Variants in NCK2 observed in about 807,000 individuals in gnomAD.
NCK2 encodes NCK adaptor protein 2, also known as cytoplasmic protein NCK2.
NCK2 carries 16 observed loss-of-function variants against 33.9 expected under a neutral mutation model. The ratio of observed to expected loss-of-function variants is 0.47; its 90% CI spans 0.32 to 0.72. The LOEUF (loss-of-function observed/expected upper bound fraction) is 0.72, where lower values mean the gene tolerates loss of function less well. Among genes scored for constraint, NCK2 ranks in the 30% least tolerant of loss-of-function variants. The probability of loss-of-function intolerance (pLI) is 0.03; values close to 1 mark genes in which losing one functional copy is unlikely to be tolerated. For synonymous variants in NCK2, 273 were observed against 239.9 expected (o/e 1.14, Z -1.27); for missense variants, 418 against 537.3 (o/e 0.78, Z 2.19).
chr2:105,837,661 T>C (rs556236807), intron 2 of NCK2, among the ~76,000 whole-genome samples: 60 of 152,226 alleles, frequency 3.9e-4, no homozygotes, highest in Non-Finnish European at 6.9e-4. Context: ...GTATTCTGCA[T>C]TACAAGATAA....
chr2:105,769,731 G>A (rs541728966), intron 1 of NCK2, among the ~76,000 whole-genome samples: 6 of 152,316 alleles, frequency 3.9e-5, no homozygotes, highest in African/African-American at 1.2e-4. Context: ...ACAGCCAGGC[G>A]GCCACAGGAG....
Position 105,765,803 on chromosome 2 carries a change from G to GTC in NCK2, c.-201+20666_-201+20667insCT, listed in dbSNP as rs371296417. 4.9e-4 allele frequency among the ~76,000 whole-genome samples: 74 copies of GTC among 150,670 alleles called. 1 individual carries two copies. The highest frequency in any genetic ancestry group is 4.6e-3 in the East Asian group (23 of 5,048). ...GAATAGGGGGTGTGTGTGTGTGTGT[G>GTC]TGTGTGTGTGTGTCTGTGTGTGTGT... is the stretch of plus-strand genomic sequence containing the variant. On this transcript the variant is annotated intron_variant, in intron 1 of 4. Transcript: ENST00000233154.
In NCK2 at chr2:105,764,270, C is replaced by T. The variant is rs72935725; in HGVS notation, c.-201+19132C>T. Among the ~76,000 whole-genome samples the T allele has an allele frequency of 1.5e-3, 229 of 152,372 alleles. 1 individual carries two copies. Among genetic ancestry groups the T allele is most frequent in the African/African-American group, 5.1e-3 (213 of 41,586 alleles). ...CTTGACCCTTCAGCACCTTTGCATC[C>T]GCACCCTGCAGGTTAAGGAGAGCCT... On this transcript the variant is annotated intron_variant, in intron 1 of 4. Transcript: ENST00000233154.
chr2:105,821,706 T>C (rs1675746852), intron 2 of NCK2, among the ~76,000 whole-genome samples: 1 of 151,972 alleles, frequency 6.6e-6, no homozygotes, highest in Non-Finnish European at 1.5e-5. Flanking sequence ...TGCTTGTATA[T>C]TATCTCTAGT....
At chr2:105,871,003 C>T (rs1677975746) in intron 3 of NCK2, among the ~76,000 whole-genome samples, 1 of 151,988 alleles carries the variant, frequency 6.6e-6, no homozygotes, top group Non-Finnish European at 1.5e-5. Flanking sequence ...CTTGGGAGGT[C>T]TGCTCATCGT....
intron 1 of NCK2, among the ~76,000 whole-genome samples, chr2:105,803,457 C>T (rs1045231546): frequency 1.3e-5 from 2 of 152,218 alleles, no homozygotes; most frequent in Non-Finnish European, 2.9e-5. Flanking sequence ...TTGTGCAATA[C>T]ATTTTCATTG....
chr2:105,830,264 T>G (rs894078119), intron 2 of NCK2, among the ~76,000 whole-genome samples: 1 of 152,172 alleles, frequency 6.6e-6, no homozygotes, highest in African/African-American at 2.4e-5. Context: ...CTCTATTCTA[T>G]TCTCTACTTT....
At chr2:105,835,409 G>GTATATATATATATATATA (rs1380016345) in intron 2 of NCK2, among the ~76,000 whole-genome samples, 1 of 59,326 alleles carries the variant, frequency 1.7e-5, no homozygotes, top group Non-Finnish European at 3.3e-5. Context: ...ATATATACGT[G>GTATATATATATATATATA]TATATATATA....
rs1391915772 is a variant in NCK2, at chr2:105,881,428, C to G, written c.327C>G (p.Ile109Met). The change falls in exon 4 of 5, where the codon ATC (isoleucine) becomes ATG (methionine). Residue 109 changes from isoleucine (I) to methionine (M), a missense_variant. Physicochemically the swap from Ile to Met is conservative, Grantham distance 10 (BLOSUM62 1). Coordinates refer to ENST00000233154, the MANE Select transcript of NCK2 (RefSeq NM_003581.5). ...CCAATGGCAGCGGCGCCGACCGCAT[C>G]TACGACCTCAACATCCCGGCCTTCG... ...YPANGSGADR[I>M]YDLNIPAFVK... The G allele has an allele frequency of 5.6e-6, 9 of 1,613,358 alleles. No individual in the cohort carries two copies. The South Asian group carries it at 9.9e-5, about 18-fold the overall frequency.
chr2:105,765,797 GTGTGTGTGTGTGTGTGTGTC>G (rs1261497261), intron 1 of NCK2, among the ~76,000 whole-genome samples: 1 of 151,210 alleles, frequency 6.6e-6, no homozygotes, highest in African/African-American at 2.4e-5. Flanking sequence ...GTGTGTGTGT[GTGTGTGTGTGTGTGTGTGTC>G]TGTGTGTGTG....
At chr2:105,830,768 T>C (rs1384655919) in intron 2 of NCK2, among the ~76,000 whole-genome samples, 3 of 151,564 alleles carry the variant, frequency 2.0e-5, no homozygotes, top group African/African-American at 7.3e-5. Context: ...GTGGCTTTGA[T>C]TTGCATTTCT....
chr2:105,883,524 C>A (rs1414684733), intron 4 of NCK2, among the ~76,000 whole-genome samples: 2 of 152,062 alleles, frequency 1.3e-5, no homozygotes, highest in Non-Finnish European at 2.9e-5. Context: ...ATTCTTTCTG[C>A]CTAAGATTTG....
intron 2 of NCK2, among the ~76,000 whole-genome samples, chr2:105,839,379 G>A (rs1676550118): frequency 6.6e-6 from 1 of 152,164 alleles, no homozygotes; most frequent in South Asian, 2.1e-4. Flanking sequence ...CTGTTGGTCT[G>A]GAGTGAAGTG....
In NCK2 at chr2:105,767,868, A is replaced by G. The variant is rs566971685; in HGVS notation, c.-201+22730A>G. 2.6e-5 allele frequency among the ~76,000 whole-genome samples: 4 copies of G among 152,300 alleles called. No homozygotes were observed. In the South Asian group the frequency reaches 6.2e-4, roughly 24 times the overall value. Reference sequence around the variant, plus strand: ...TACTGGGTGGTTCCCAGCACTTAATATGCACTTAATAAATACTAATTCCTT... The same window carrying G: ...TACTGGGTGGTTCCCAGCACTTAATGTGCACTTAATAAATACTAATTCCTT... On this transcript the variant is annotated intron_variant, in intron 1 of 4. Transcript: ENST00000233154.
At chr2:105,764,916 C>T (rs59901042) in intron 1 of NCK2, among the ~76,000 whole-genome samples, 2,497 of 152,198 alleles carry the variant, frequency 0.016, 67 homozygotes, top group African/African-American at 0.057. Flanking sequence ...TTGAAAGCGC[C>T]ACACTTGCAT....
intron 1 of NCK2, among the ~76,000 whole-genome samples, chr2:105,777,413 C>T (rs1280032724): frequency 6.6e-6 from 1 of 152,164 alleles, no homozygotes; most frequent in Non-Finnish European, 1.5e-5. Flanking sequence ...ACACAGACTC[C>T]TGAGAGTGTG....
intron 2 of NCK2, among the ~76,000 whole-genome samples, chr2:105,817,222 G>T (rs1468901832): frequency 6.7e-6 from 1 of 150,326 alleles, no homozygotes; most frequent in Admixed American, 6.6e-5. Context: ...ACAGATGAAG[G>T]ATTCTCAGGA....
intron 2 of NCK2, among the ~76,000 whole-genome samples, chr2:105,841,383 G>A (rs1231282567): frequency 6.6e-6 from 1 of 152,158 alleles, no homozygotes; most frequent in South Asian, 2.1e-4. Context: ...CTCATTTTGG[G>A]TGTCACTATA....
chr2:105,795,200 C>T (rs1236248670), intron 1 of NCK2, among the ~76,000 whole-genome samples: 1 of 152,152 alleles, frequency 6.6e-6, no homozygotes, highest in African/African-American at 2.4e-5. Context: ...TTTGGGTTCA[C>T]TCTTTGCGTT....
Sources: gnomAD v4.1 joint callset for allele counts (sites outside exome capture counted in the v4.1 genomes callset) on GRCh38, gnomAD v4.1.1 for gene constraint, MANE v1.5 for transcripts, NCBI Gene and HGNC (gene_info 2026-07-23, HGNC 2026-07-21) for gene names.